Variants in ACAT1 observed in about 807,000 individuals in gnomAD.
The protein encoded by ACAT1 is acetyl-CoA acetyltransferase, mitochondrial.
ACAT1 carries 28 observed loss-of-function variants against 47.3 expected under a neutral mutation model. The ratio of observed to expected loss-of-function variants is 0.59; its 90% CI spans 0.44 to 0.81. ACAT1 has a LOEUF of 0.81. Among genes scored for constraint, ACAT1 ranks in the 30% least tolerant of loss-of-function variants. ACAT1 has a pLI of 0.00. For synonymous variants in ACAT1, 181 were observed against 173.6 expected, an observed-to-expected ratio of 1.04 and a Z score of -0.34; for missense variants, 469 against 524.3, an observed-to-expected ratio of 0.89 and a Z score of 1.03.
Position 108,131,940 on chromosome 11 carries a change from A to G in ACAT1, c.106A>G (p.Lys36Glu), listed in dbSNP as rs993986163. 3.3e-6 allele frequency: 5 copies of G among 1,507,542 alleles called. No individual in the cohort carries two copies. The African/African-American group carries it at 5.5e-5, about 17-fold the overall frequency. 93.4% of individuals were successfully genotyped at this position (1,507,542 alleles called of 1,614,324 possible). A position where few individuals can be genotyped will look rare whatever the true frequency, so the allele number is the denominator to read the frequency against. Residue 36 changes from lysine (K) to glutamate (E), a missense_variant, in exon 2 of 12, where the codon AAA becomes GAA. Transcript: ENST00000265838. ...IRYVERSYVS[K>E]PTLKEVVIVS... ...ATATGTGGAACGGAGTTATGTATCA[A>G]AACCCACTTTGAAGGTAAGTAATTT...
chr11:108,121,629 T>A lies in ACAT1; in HGVS notation c.23T>A (p.Leu8Gln). The change falls in exon 1 of 12, where the codon CTG becomes CAG. Residue 8 changes from leucine to glutamine, a missense_variant. Transcript: ENST00000265838. MAVLAALLRSGARSRSPL... is the reference protein window; with the variant it reads MAVLAALQRSGARSRSPL... ...ACCATGGCTGTGCTGGCGGCACTTC[T>A]GCGCAGCGGCGCCCGCAGCCGCAGC... 1 of 1,550,902 alleles carries A rather than the reference T, an allele frequency of 6.4e-7. No individual in the cohort carries two copies. The highest frequency in any genetic ancestry group is 8.7e-7 in the Non-Finnish European group (1 of 1,147,616).
chr11:108,126,715 AG>A (rs1237816979), intron 1 of ACAT1, among the ~76,000 whole-genome samples: 10 of 151,396 alleles, frequency 6.6e-5, no homozygotes, highest in Admixed American at 2.0e-4. Context: ...TCTGGATTTT[AG>A]GGATTGCAAT....
At chr11:108,146,468 A>G in intron 11 of ACAT1, 109 bp downstream of exon 11, 3 of 1,313,448 alleles carry the variant, frequency 2.3e-6, no homozygotes, top group Non-Finnish European at 3.2e-6. Context: ...CTTCCTACCC[A>G]TCTTTCATAA....
At position 108,147,444 on chromosome 11, in the gene ACAT1, A is replaced by T; in HGVS notation, c.*54A>T. 1 of 1,588,728 alleles carries T rather than the reference A, an allele frequency of 6.3e-7. No homozygotes were observed. The highest frequency in any genetic ancestry group is 8.6e-7 in the Non-Finnish European group (1 of 1,161,528). ...CTATGTGACCAGAAGGCCTGCTGTA[A>T]TCAGTGTGACTACTGTGGGTCAGCT... On this transcript the variant is annotated 3_prime_UTR_variant, in exon 12 of 12. Coordinates refer to ENST00000265838, the MANE Select transcript of ACAT1 (RefSeq NM_000019.4).
At chr11:108,143,715 G>C (rs544173720) in intron 9 of ACAT1, 136 of 341,938 alleles carry the variant, frequency 4.0e-4, no homozygotes, top group Non-Finnish European at 6.3e-4. Context: ...AGTGGCATCT[G>C]AACTATTCTG....
chr11:108,142,299 G>C (rs1371858170), intron 8 of ACAT1, 138 bp from the exon 9 acceptor site: 1 of 720,864 alleles, frequency 1.4e-6, no homozygotes, highest in Non-Finnish European at 2.5e-6. Context: ...CATGTTTCCT[G>C]AGGGCAGGAA....
At chr11:108,122,069 C>T (rs2077161581) in intron 1 of ACAT1, 1 of 302,456 alleles carries the variant, frequency 3.3e-6, no homozygotes, top group African/African-American at 2.3e-5. Flanking sequence ...TATTTGTGTG[C>T]GTTATTGTCA....
At chr11:108,124,781 A>G (rs751094134) in intron 1 of ACAT1, among the ~76,000 whole-genome samples, 1 of 152,010 alleles carries the variant, frequency 6.6e-6, no homozygotes, top group Non-Finnish European at 1.5e-5. Flanking sequence ...CCTTCTTTCT[A>G]TACTTAGTAT....
At chr11:108,137,229 TG>T in intron 5 of ACAT1, among the ~76,000 whole-genome samples, 2 of 152,242 alleles carry the variant, frequency 1.3e-5, no homozygotes, top group Non-Finnish European at 2.9e-5. Flanking sequence ...TTAAGAGAAA[TG>T]TAGGTGTTTT....
At chr11:108,141,010 G>C (rs1302427778) in intron 7 of ACAT1, among the ~76,000 whole-genome samples, 1 of 152,076 alleles carries the variant, frequency 6.6e-6, no homozygotes, top group African/African-American at 2.4e-5. Context: ...AGGATTGCTT[G>C]AGCCCAGGAG....
At chr11:108,142,260 T>C (rs2077604744) in intron 8 of ACAT1, among the ~76,000 whole-genome samples, 177 bp from the exon 9 acceptor site, 1 of 152,236 alleles carries the variant, frequency 6.6e-6, no homozygotes, top group Admixed American at 6.5e-5. Flanking sequence ...AAAAAGGCAT[T>C]CTTACATTGT....
At position 108,135,129 on chromosome 11, in the gene ACAT1, A is replaced by G; in HGVS notation, c.335-13A>G. On this transcript the variant is annotated splice_polypyrimidine_tract_variant and intron_variant, in intron 4 of 11. Transcript: ENST00000265838. The stretch of plus-strand genomic sequence containing the variant: ...AGTATCGGTTTTTCAAAAGTGACTT[A>G]TATTGGTTTTAGGCTTACCTATTTC... The G allele has an allele frequency of 6.3e-7, 1 of 1,594,216 alleles. No homozygotes were observed. Among genetic ancestry groups the G allele is most frequent in the Non-Finnish European group, 8.6e-7 (1 of 1,162,158 alleles).
intron 1 of ACAT1, chr11:108,122,023 G>T: frequency 2.4e-6 from 1 of 421,268 alleles, no homozygotes. Flanking sequence ...CTCTTTGCAG[G>T]CCTGTGCAGC....
In ACAT1 at chr11:108,146,432, A is replaced by G. The variant is rs1414003569; in HGVS notation, c.1163+73A>G. 2.0e-5 allele frequency: 31 copies of G among 1,541,306 alleles called. No homozygotes were observed. The South Asian group carries it at 3.0e-4, about 15-fold the overall frequency. On this transcript the variant is annotated intron_variant, in intron 11 of 11. Transcript: ENST00000265838. ...TTCTAGCTAAACTTAAAACTGCTTC[A>G]TAATTCCCATTGCTCTTAAGTTTTC... is the stretch of plus-strand genomic sequence containing the variant.
At chr11:108,126,884 C>T (rs112259948) in intron 1 of ACAT1, among the ~76,000 whole-genome samples, 2,483 of 151,424 alleles carry the variant, frequency 0.016, 42 homozygotes, top group Middle Eastern at 0.065. Flanking sequence ...CCTCCACCTC[C>T]CGGGTTTAAG....
At chr11:108,130,606 CTGGTCT>C (rs1205293912) in intron 1 of ACAT1, among the ~76,000 whole-genome samples, 1 of 151,888 alleles carries the variant, frequency 6.6e-6, no homozygotes, top group African/African-American at 2.4e-5. Flanking sequence ...GTTGGTCAGG[CTGGTCT>C]TGAACTCCTG....
intron 5 of ACAT1, among the ~76,000 whole-genome samples, chr11:108,138,403 T>C (rs2077511136): frequency 6.6e-6 from 1 of 151,534 alleles, no homozygotes; most frequent in Non-Finnish European, 1.5e-5. Context: ...CCTCTACTTT[T>C]TTTTTTTTTC....
rs368802454 is a variant in ACAT1 at position 108,142,496 on chromosome 11, A to C, written c.886A>C (p.Met296Leu). 3 of 1,614,094 alleles carry C rather than the reference A, an allele frequency of 1.9e-6. No individual in the cohort carries two copies. Among genetic ancestry groups the C allele is most frequent in the South Asian group, 2.2e-5 (2 of 91,090 alleles). ...LNDGAAALVL[M>L]TADAAKRLNV... ...TGATGGAGCAGCTGCTCTGGTTCTC[A>C]TGACGGCAGATGCAGCGAAGAGGCT... Residue 296 changes from methionine (M) to leucine (L), a missense_variant, in exon 9 of 12, where the codon ATG becomes CTG. By Grantham distance (15) the Met-to-Leu change is conservative. Transcript: ENST00000265838.
At chr11:108,117,342 C>T (rs1864972001), upstream of ACAT1, among the ~76,000 whole-genome samples, 1 of 148,920 alleles carries the variant, frequency 6.7e-6, no homozygotes, top group African/African-American at 2.5e-5. Context: ...GAGTTTTGCT[C>T]TGTCGCCCAG....
Sources: allele counts gnomAD v4.1 joint callset (sites outside exome capture counted in the v4.1 genomes callset), GRCh38; gene constraint gnomAD v4.1.1; transcripts MANE v1.5; gene names NCBI Gene and HGNC (gene_info 2026-07-23, HGNC 2026-07-21).